The following TNPO3 variants were observed in gnomAD, a reference collection of about 807,000 sequenced individuals.
TNPO3 encodes the protein transportin-3.
TNPO3 carries 65 observed loss-of-function variants against 122.8 expected under a neutral mutation model. The observed-to-expected ratio is 0.53, with a 90% CI of 0.43 to 0.65. The LOEUF (loss-of-function observed/expected upper bound fraction) is 0.65, where lower values mean the gene tolerates loss of function less well. Ranked by LOEUF, TNPO3 falls within the 30% of genes least tolerant of loss-of-function variation. TNPO3 has a pLI of 0.00. For synonymous variants in TNPO3, 372 were observed against 411.2 expected (o/e 0.90, Z 1.15); for missense variants, 850 against 1,136.7 (o/e 0.75, Z 3.63).
chr7:128,996,742 CAAAAAAAAAAAAA>C (rs10618550), intron 8 of TNPO3, among the ~76,000 whole-genome samples: 2 of 69,910 alleles, frequency 2.9e-5, no homozygotes, highest in South Asian at 5.9e-4. Context: ...GACTCCGTCT[CAAAAAAAAAAAAA>C]AAAAAAAAAA....
chr7:128,960,391 CAGA>C (rs1296446882), intron 21 of TNPO3, among the ~76,000 whole-genome samples: 28 of 151,660 alleles, frequency 1.8e-4, no homozygotes, highest in Admixed American at 1.8e-3. Context: ...GGAGGGATTC[CAGA>C]AGAAGACATT....
At chr7:129,027,558 C>CAAAAAAAAAAAAA (rs71162549) in intron 1 of TNPO3, among the ~76,000 whole-genome samples, 2 of 8,972 alleles carry the variant, frequency 2.2e-4, no homozygotes, top group Admixed American at 2.6e-3. Flanking sequence ...AAGACTGTCT[C>CAAAAAAAAAAAAA]AAAAAAAAAA....
In TNPO3 at chr7:128,997,225, C is replaced by G. The variant is rs150046810; in HGVS notation, c.1158+164G>C. On this transcript the variant is annotated intron_variant, in intron 8 of 22. Transcript: ENST00000265388. ...TGTTGCCCAGGCTGGTCTTGAATTC[C>G]TGGGCTCTAACGATTCATCTGCCTT... Among the ~76,000 whole-genome samples the G allele has an allele frequency of 4.6e-5, 7 of 152,268 alleles. No individual in the cohort carries two copies. In the East Asian group the frequency reaches 7.7e-4, roughly 17 times the overall value.
intron 11 of TNPO3, among the ~76,000 whole-genome samples, chr7:128,989,146 A>G (rs529628710): frequency 6.6e-6 from 1 of 152,300 alleles, no homozygotes; most frequent in East Asian, 1.9e-4. Flanking sequence ...AAAGCAGCTC[A>G]GTGTATAGAA....
chr7:128,991,741 T>C (rs184905875), intron 10 of TNPO3, among the ~76,000 whole-genome samples: 11 of 152,298 alleles, frequency 7.2e-5, no homozygotes, highest in Admixed American at 4.6e-4. Flanking sequence ...GGAGCCTCAG[T>C]TGGAAAAATA....
chr7:128,977,583 T>A (rs906199600), intron 16 of TNPO3, among the ~76,000 whole-genome samples: 1 of 125,896 alleles, frequency 7.9e-6, no homozygotes, highest in East Asian at 2.4e-4. Context: ...GGGAACTCAT[T>A]CTTTTTTTCT....
intron 1 of TNPO3, 48 bp downstream of exon 1, chr7:129,054,603 A>T: frequency 6.2e-7 from 1 of 1,606,694 alleles, no homozygotes; most frequent in Non-Finnish European, 8.5e-7. Context: ...CCTAGGTTCC[A>T]CCCCGCCCCG....
chr7:128,995,533 T>C (rs1466519540), intron 8 of TNPO3, among the ~76,000 whole-genome samples: 1 of 152,116 alleles, frequency 6.6e-6, no homozygotes, highest in East Asian at 1.9e-4. Context: ...ATACAAATTA[T>C]AAAGCGCTAT....
At chr7:128,962,123 T>G (rs1746382113) in intron 21 of TNPO3, among the ~76,000 whole-genome samples, 2 of 151,658 alleles carry the variant, frequency 1.3e-5, no homozygotes, top group Admixed American at 1.3e-4. Flanking sequence ...CCCAGCACTT[T>G]GGGAGGCCGA....
intron 21 of TNPO3, among the ~76,000 whole-genome samples, chr7:128,963,984 T>C (rs1797701898): frequency 1.3e-5 from 2 of 152,066 alleles, no homozygotes. Context: ...GTGCAGAAAG[T>C]AGCCTCTGTG....
chr7:129,010,473 T>A (rs1415081850), intron 4 of TNPO3, among the ~76,000 whole-genome samples: 1 of 152,116 alleles, frequency 6.6e-6, no homozygotes, highest in Non-Finnish European at 1.5e-5. Flanking sequence ...TGGCCCATAA[T>A]GAAATTATTG....
At chr7:129,050,496 T>C (rs761392025) in intron 1 of TNPO3, among the ~76,000 whole-genome samples, 1 of 151,592 alleles carries the variant, frequency 6.6e-6, no homozygotes, top group East Asian at 1.9e-4. Flanking sequence ...TAAGAAGCAG[T>C]AGACTCCTAA....
At chr7:129,045,617 A>G (rs1807944001) in intron 1 of TNPO3, among the ~76,000 whole-genome samples, 1 of 152,222 alleles carries the variant, frequency 6.6e-6, no homozygotes, top group South Asian at 2.1e-4. Flanking sequence ...CAATCACTGT[A>G]AAAGAATGCT....
chr7:128,995,990 C>T (rs898770390), intron 8 of TNPO3, among the ~76,000 whole-genome samples: 3 of 152,220 alleles, frequency 2.0e-5, no homozygotes, highest in Non-Finnish European at 4.4e-5. Flanking sequence ...TGAGCCACCA[C>T]GCCCAGTTGG....
At chr7:129,011,521 T>C (rs991373143) in intron 4 of TNPO3, among the ~76,000 whole-genome samples, 3 of 151,566 alleles carry the variant, frequency 2.0e-5, no homozygotes, top group African/African-American at 7.3e-5. Context: ...TTTTTGTGTT[T>C]TTAGTAGAGA....
intron 1 of TNPO3, among the ~76,000 whole-genome samples, chr7:129,021,108 C>CAA (rs779506755): frequency 4.9e-4 from 75 of 152,010 alleles, no homozygotes; most frequent in Admixed American, 1.3e-3. Context: ...GTAATCCCAG[C>CAA]ACTTTGGGAG....
intron 21 of TNPO3, among the ~76,000 whole-genome samples, chr7:128,958,987 G>A (rs1162926455): frequency 6.6e-6 from 1 of 152,210 alleles, no homozygotes; most frequent in African/African-American, 2.4e-5. Flanking sequence ...CTGGGCAACA[G>A]AGTGAGACCC....
intron 1 of TNPO3, among the ~76,000 whole-genome samples, chr7:129,035,798 C>T (rs1231422934): frequency 5.3e-5 from 8 of 152,178 alleles, no homozygotes; most frequent in Admixed American, 4.6e-4. Context: ...GACAAATTAT[C>T]GTCTATGCAG....
chr7:129,011,649 A>T (rs1803214540), intron 4 of TNPO3, among the ~76,000 whole-genome samples: 1 of 152,116 alleles, frequency 6.6e-6, no homozygotes, highest in Non-Finnish European at 1.5e-5. Flanking sequence ...GCCTGTAAAG[A>T]ATATCTTAGG....
Sources: gnomAD v4.1 joint callset for allele counts (sites outside exome capture counted in the v4.1 genomes callset) on GRCh38, gnomAD v4.1.1 for gene constraint, MANE v1.5 for transcripts, NCBI Gene and HGNC (gene_info 2026-07-23, HGNC 2026-07-21) for gene names.